HDAC9: variants seen among roughly 807,000 people sequenced by gnomAD.
The protein encoded by HDAC9 is MEF-2 interacting transcription repressor (MITR) protein.
A neutral mutation model predicts 139.4 loss-of-function variants in HDAC9; 41 were observed. The ratio of observed to expected loss-of-function variants is 0.29; its 90% CI spans 0.23 to 0.38. The LOEUF (loss-of-function observed/expected upper bound fraction) is 0.38, where lower values mean the gene tolerates loss of function less well. Among genes scored for constraint, HDAC9 ranks in the 10% least tolerant of loss-of-function variants. The pLI, the probability that HDAC9 is intolerant of heterozygous loss-of-function variation, is 1.00. For missense variants in HDAC9, 1,147 were observed against 1,297.0 expected, an observed-to-expected ratio of 0.88 and a Z score of 1.78; for synonymous variants, 517 against 476.2, an observed-to-expected ratio of 1.09 and a Z score of -1.12.
chr7:18,452,899 T>G (rs1793007289), intron 1 of HDAC9, among the ~76,000 whole-genome samples: 1 of 152,168 alleles, frequency 6.6e-6, no homozygotes, highest in Non-Finnish European at 1.5e-5. Flanking sequence ...ATATCTTTAT[T>G]AGAAACATTA....
chr7:18,372,005 A>G (rs1444998798), intron 1 of HDAC9, among the ~76,000 whole-genome samples: 5 of 152,218 alleles, frequency 3.3e-5, no homozygotes, highest in Admixed American at 6.5e-5. Context: ...AAAATTGAAT[A>G]GTAACCTGCA....
At chr7:18,953,053 A>C (rs1563082528) in intron 23 of HDAC9, among the ~76,000 whole-genome samples, 1 of 152,060 alleles carries the variant, frequency 6.6e-6, no homozygotes, top group East Asian at 1.9e-4. Context: ...CCTGAGGGGA[A>C]GATTCACTCA....
At chr7:18,984,721 G>C (rs1010698960) in intron 25 of HDAC9, among the ~76,000 whole-genome samples, 2 of 152,184 alleles carry the variant, frequency 1.3e-5, no homozygotes, top group African/African-American at 2.4e-5. Flanking sequence ...AATGCCATTA[G>C]CTGAGAGAGA....
At chr7:18,963,400 T>G (rs1322646152) in intron 24 of HDAC9, among the ~76,000 whole-genome samples, 1 of 152,098 alleles carries the variant, frequency 6.6e-6, no homozygotes, top group Admixed American at 6.5e-5. Context: ...CCTCAATATA[T>G]GCAGAGATTA....
rs562901186 is a variant in HDAC9 at position 18,656,774 on chromosome 7, T to C, written c.1467+8091T>C. ...GAGTGCAGATATCTCTTTGATATAC[T>C]GATTTCCTTTCTTTTAGGTATATGC... is the stretch of plus-strand genomic sequence containing the variant. On this transcript the variant is annotated intron_variant, in intron 11 of 25. Coordinates refer to ENST00000686413, the MANE Select transcript of HDAC9 (RefSeq NM_178425.4). Among the ~76,000 whole-genome samples, 7 of 152,292 alleles carry C rather than the reference T, an allele frequency of 4.6e-5. No individual in the cohort carries two copies. In the South Asian group the frequency reaches 1.4e-3, roughly 32 times the overall value.
chr7:18,678,571 G>A (rs1214848057), intron 12 of HDAC9, among the ~76,000 whole-genome samples: 1 of 151,688 alleles, frequency 6.6e-6, no homozygotes, highest in Non-Finnish European at 1.5e-5. Flanking sequence ...CCTAGTGGAT[G>A]AACTTCTGTT....
intron 2 of HDAC9, among the ~76,000 whole-genome samples, chr7:18,214,882 T>TG (rs1461914447): frequency 1.2e-4 from 19 of 152,106 alleles, no homozygotes; most frequent in Admixed American, 1.0e-3. Context: ...GATGGGGGCA[T>TG]GGAAAAGATC....
intron 13 of HDAC9, among the ~76,000 whole-genome samples, chr7:18,734,339 C>G (rs1400309136): frequency 1.3e-5 from 2 of 152,154 alleles, no homozygotes; most frequent in Non-Finnish European, 2.9e-5. Flanking sequence ...ATCAACTTAT[C>G]ATTTACATTA....
intron 21 of HDAC9, among the ~76,000 whole-genome samples, chr7:18,862,678 T>A (rs180742436): frequency 6.6e-6 from 1 of 152,148 alleles, no homozygotes; most frequent in Non-Finnish European, 1.5e-5. Flanking sequence ...TGTTTTCCTT[T>A]ATACTGACAG....
intron 24 of HDAC9, among the ~76,000 whole-genome samples, chr7:18,968,958 C>CAAAAAAAAAAAAAAAAA (rs34379636): frequency 2.2e-5 from 1 of 45,192 alleles, no homozygotes; most frequent in African/African-American, 9.4e-5. Context: ...GCCTCCCTCT[C>CAAAAAAAAAAAAAAAAA]AAAAAAAAAA....
At chr7:18,836,058 A>C (rs1392352300) in intron 21 of HDAC9, 61 bp downstream of exon 21, 6 of 859,704 alleles carry the variant, frequency 7.0e-6, no homozygotes, top group Non-Finnish European at 1.1e-5. Context: ...TTGAAATAAC[A>C]CCAAATATGG....
intron 2 of HDAC9, among the ~76,000 whole-genome samples, chr7:18,192,472 G>A (rs1326040031): frequency 6.6e-6 from 1 of 152,098 alleles, no homozygotes; most frequent in East Asian, 1.9e-4. Flanking sequence ...ATGCACCCTG[G>A]GAAAATCACT....
intron 2 of HDAC9, among the ~76,000 whole-genome samples, chr7:18,545,029 C>T (rs1814308978): frequency 6.6e-6 from 1 of 152,170 alleles, no homozygotes; most frequent in African/African-American, 2.4e-5. Flanking sequence ...TGCTGAACAT[C>T]CTGCAATGCA....
At chr7:18,877,949 T>C (rs1394826413) in intron 22 of HDAC9, among the ~76,000 whole-genome samples, 2 of 152,090 alleles carry the variant, frequency 1.3e-5, no homozygotes, top group African/African-American at 4.8e-5. Context: ...GTGCTGCTCT[T>C]TAAGGACCAA....
intron 1 of HDAC9, among the ~76,000 whole-genome samples, chr7:18,118,088 GT>G (rs1185146694): frequency 6.6e-6 from 1 of 152,164 alleles, no homozygotes; most frequent in African/African-American, 2.4e-5. Flanking sequence ...ATTTATGGGA[GT>G]TTAACCCCAT....
At chr7:18,634,945 CTGA>C (rs1476824971) in intron 8 of HDAC9, among the ~76,000 whole-genome samples, 1 of 151,910 alleles carries the variant, frequency 6.6e-6, no homozygotes, top group East Asian at 1.9e-4. Flanking sequence ...AAGAAATGAA[CTGA>C]TATTTATTAG....
rs900095287 is a variant in HDAC9, at chr7:18,813,941, C to T, written c.2323-15220C>T. Among the ~76,000 whole-genome samples the T allele has an allele frequency of 2.6e-4, 40 of 152,132 alleles. 1 individual carries two copies. Among genetic ancestry groups the T allele is most frequent in the Middle Eastern group, 3.2e-3 (1 of 316 alleles). ...TTTCCTTCTAGGATGTTAGTCCCTC[C>T]GTCTGCATTTCTGAAGACTAAAATG... On this transcript the variant is annotated intron_variant, in intron 17 of 25. Transcript: ENST00000686413.
intron 22 of HDAC9, among the ~76,000 whole-genome samples, chr7:18,915,525 A>G (rs1203749960): frequency 6.6e-6 from 1 of 151,980 alleles, no homozygotes; most frequent in African/African-American, 2.4e-5. Context: ...ATGTGCCACA[A>G]TGAAGCTTTG....
In HDAC9 at chr7:18,887,873, C is replaced by G. The variant is rs191761406; in HGVS notation, c.2803+13277C>G. Among the ~76,000 whole-genome samples, 16 of 152,252 alleles carry G rather than the reference C, an allele frequency of 1.1e-4. No individual in the cohort carries two copies. In the East Asian group the frequency reaches 2.9e-3, roughly 28 times the overall value. On this transcript the variant is annotated intron_variant, in intron 22 of 25. Transcript: ENST00000686413. ...ACTGAACCTCTAGACTTGTCCCATGCAACGCCAAGATTTGTGGCCACAGAG... is the reference window on the plus strand; with the variant it reads ...ACTGAACCTCTAGACTTGTCCCATGGAACGCCAAGATTTGTGGCCACAGAG...
Sources: gnomAD v4.1 joint callset for allele counts (sites outside exome capture counted in the v4.1 genomes callset) on GRCh38, gnomAD v4.1.1 for gene constraint, MANE v1.5 for transcripts, NCBI Gene and HGNC (gene_info 2026-07-23, HGNC 2026-07-21) for gene names.